Variants in SAMD4A observed in about 807,000 individuals in gnomAD.
The protein encoded by SAMD4A is sterile alpha motif domain containing 4A.
Under a neutral mutation model 81.3 loss-of-function variants are expected in SAMD4A, and 33 were observed. The ratio of observed to expected loss-of-function variants is 0.41; its 90% confidence interval spans 0.31 to 0.54. The LOEUF is 0.54. Among genes scored for constraint, SAMD4A ranks in the 20% least tolerant of loss-of-function variants. The pLI is 0.37. For synonymous variants in SAMD4A, 389 were observed against 382.1 expected (o/e 1.02, Z -0.21); for missense variants, 854 against 951.1 (o/e 0.90, Z 1.34).
At chr14:54,724,028 G>GGAAGGAAGGAA (rs2037345629) in intron 3 of SAMD4A, among the ~76,000 whole-genome samples, 1 of 151,026 alleles carries the variant, frequency 6.6e-6, no homozygotes, top group South Asian at 2.1e-4. Flanking sequence ...AAGGAAGGAA[G>GGAAGGAAGGAA]GAAGGAAGGA....
chr14:54,776,045 A>G (rs973075310), intron 10 of SAMD4A, among the ~76,000 whole-genome samples: 2 of 148,066 alleles, frequency 1.4e-5, no homozygotes, highest in Non-Finnish European at 3.0e-5. Flanking sequence ...AAAAAAAATC[A>G]GAGCCCTGAA....
At chr14:54,748,961 C>A in intron 5 of SAMD4A, 37 bp downstream of exon 5, 2 of 1,453,212 alleles carry the variant, frequency 1.4e-6, no homozygotes, top group African/African-American at 1.4e-5. Flanking sequence ...GAGAGGGTGC[C>A]CCAGGCAGGA....
chr14:54,719,171 C>T (rs1011820807), intron 3 of SAMD4A, among the ~76,000 whole-genome samples: 6 of 152,060 alleles, frequency 3.9e-5, no homozygotes, highest in African/African-American at 1.4e-4. Context: ...GCTATCAGAA[C>T]TCTAGAGGAA....
At chr14:54,776,351 C>A in intron 10 of SAMD4A, 63 bp from the exon 11 acceptor site, 1 of 1,509,974 alleles carries the variant, frequency 6.6e-7, no homozygotes, top group Non-Finnish European at 8.8e-7. Context: ...TTCTTGCTGG[C>A]GGCTCTGCTC....
intron 2 of SAMD4A, among the ~76,000 whole-genome samples, chr14:54,607,482 G>T (rs1473132604): frequency 6.7e-6 from 1 of 149,040 alleles, no homozygotes; most frequent in Non-Finnish European, 1.5e-5. Flanking sequence ...TTTAGACGGA[G>T]TCTTGCTCTG....
At position 54,634,036 on chromosome 14, in the gene SAMD4A, G is replaced by A. The variant is rs990471181; in HGVS notation, c.196+65924G>A. 6.0e-4 allele frequency among the ~76,000 whole-genome samples: 92 copies of A among 152,182 alleles called. 1 individual carries two copies. The highest frequency in any genetic ancestry group is 1.4e-3 in the Admixed American group (21 of 15,278). Reference sequence around the variant, plus strand: ...TATTCAGCTGGGTGCGGTGGCTCACGCCTGTAATTCCAGCACAGGTGGGCA... The same window carrying A: ...TATTCAGCTGGGTGCGGTGGCTCACACCTGTAATTCCAGCACAGGTGGGCA... On this transcript the variant is annotated intron_variant, in intron 2 of 12. Transcript: ENST00000554335.
At chr14:54,598,432 AATAAC>A (rs1240092026) in intron 2 of SAMD4A, among the ~76,000 whole-genome samples, 1 of 152,240 alleles carries the variant, frequency 6.6e-6, no homozygotes, top group Non-Finnish European at 1.5e-5. Context: ...TCACATTTTT[AATAAC>A]TGTGTAATAG....
intron 2 of SAMD4A, among the ~76,000 whole-genome samples, chr14:54,684,738 G>A (rs1055146659): frequency 1.7e-4 from 26 of 152,320 alleles, no homozygotes; most frequent in Admixed American, 1.5e-3. Flanking sequence ...TGGGGATGGA[G>A]CAGCAGCAAG....
At chr14:54,780,866 G>GC (rs2038982452) in intron 11 of SAMD4A, among the ~76,000 whole-genome samples, 1 of 151,988 alleles carries the variant, frequency 6.6e-6, no homozygotes, top group South Asian at 2.1e-4. Context: ...CATTACTCCT[G>GC]CCACCCTCCA....
chr14:54,646,713 G>T (rs1180020862), intron 2 of SAMD4A, among the ~76,000 whole-genome samples: 1 of 152,244 alleles, frequency 6.6e-6, no homozygotes, highest in African/African-American at 2.4e-5. Context: ...TTCACTGGGA[G>T]AATGGGCCTG....
At chr14:54,684,963 G>T (rs1271353926) in intron 2 of SAMD4A, among the ~76,000 whole-genome samples, 1 of 152,214 alleles carries the variant, frequency 6.6e-6, no homozygotes, top group Non-Finnish European at 1.5e-5. Flanking sequence ...GCCAGAGGAG[G>T]GTGGCCAGGA....
In SAMD4A at chr14:54,567,995, C is replaced by T; in HGVS notation, c.79C>T (p.Leu27=). The part of the protein sequence containing the change: ...WNECEQTVAL[L]SLLKRVSQTQ... ...CGAGTGCGAGCAGACTGTTGCGCTG[C>T]TGTCGCTGCTCAAGCGCGTGAGCCA... is the stretch of plus-strand genomic sequence containing the variant. Residue 27 remains leucine (L), a synonymous_variant, in exon 2 of 13, where the codon CTG becomes TTG. Transcript: ENST00000554335. The T allele has an allele frequency of 6.2e-7, 1 of 1,609,454 alleles. No homozygotes were observed.
At chr14:54,735,211 T>A (rs1285835166) in intron 3 of SAMD4A, 17 of 3,394 alleles carry the variant, frequency 5.0e-3, no homozygotes, top group African/African-American at 0.012. Flanking sequence ...TGCCGCTTCG[T>A]TTTTTTTTTT....
At chr14:54,580,406 G>A (rs1003994782) in intron 2 of SAMD4A, among the ~76,000 whole-genome samples, 12 of 152,146 alleles carry the variant, frequency 7.9e-5, no homozygotes, top group Admixed American at 2.6e-4. Flanking sequence ...ATTAGCCCTC[G>A]TATTTTGAAA....
chr14:54,733,618 T>C (rs553146654), intron 3 of SAMD4A, among the ~76,000 whole-genome samples: 1 of 152,318 alleles, frequency 6.6e-6, no homozygotes, highest in South Asian at 2.1e-4. Flanking sequence ...GGTTGAGATT[T>C]TTTTTTAAAG....
intron 8 of SAMD4A, among the ~76,000 whole-genome samples, chr14:54,767,295 C>T (rs1254197247): frequency 6.6e-6 from 1 of 152,120 alleles, no homozygotes; most frequent in Non-Finnish European, 1.5e-5. Context: ...CTTCATAGCC[C>T]GGACACGCTG....
intron 4 of SAMD4A, among the ~76,000 whole-genome samples, chr14:54,737,613 G>C (rs2037733333): frequency 7.0e-6 from 1 of 143,620 alleles, no homozygotes; most frequent in Non-Finnish European, 1.5e-5. Context: ...ATGGTGATAG[G>C]ATCTTCTGTT....
In SAMD4A at chr14:54,789,003, C is replaced by A; in HGVS notation, c.*59C>A. The A allele has an allele frequency of 6.3e-7, 1 of 1,575,548 alleles. No homozygotes were observed. The highest frequency in any genetic ancestry group is 8.7e-7 in the Non-Finnish European group (1 of 1,144,956). ...AAATCGACTGCTGCGGGTCCAGTGT[C>A]CGCCATCTTCAGGGTTGCACAGAAT... On this transcript the variant is annotated 3_prime_UTR_variant, in exon 13 of 13. Coordinates refer to ENST00000554335, the MANE Select transcript of SAMD4A (RefSeq NM_015589.6).
At chr14:54,748,738 C>T in intron 4 of SAMD4A, 77 bp from the exon 5 acceptor site, 1 of 978,284 alleles carries the variant, frequency 1.0e-6, no homozygotes, top group Non-Finnish European at 1.6e-6. Flanking sequence ...TTTCCTTTCT[C>T]TGTTCCTACA....
Sources: gnomAD v4.1 joint callset for allele counts (sites outside exome capture counted in the v4.1 genomes callset) on GRCh38, gnomAD v4.1.1 for gene constraint, MANE v1.5 for transcripts, NCBI Gene and HGNC (gene_info 2026-07-23, HGNC 2026-07-21) for gene names.